Variants in PCDHA5 observed in about 807,000 individuals in gnomAD.
PCDHA5 encodes protocadherin alpha-5.
Under a neutral mutation model 61.6 loss-of-function variants are expected in PCDHA5, and 43 were observed. That is an observed-to-expected ratio of 0.70 (90% CI 0.55 to 0.90). PCDHA5 has a LOEUF of 0.90. Ranked by LOEUF, PCDHA5 falls within the 40% of genes least tolerant of loss-of-function variation. The pLI is 0.00. For missense variants in PCDHA5, 1,298 were observed against 1,222.7 expected (o/e 1.06, Z -0.92); for synonymous variants, 627 against 543.9 (o/e 1.15, Z -2.13).
At chr5:140,920,632 T>G (rs1054888668) in intron 1 of PCDHA5, among the ~76,000 whole-genome samples, 1 of 152,018 alleles carries the variant, frequency 6.6e-6, no homozygotes, top group South Asian at 2.1e-4. Context: ...GATCACAAGG[T>G]CAAGAGATTG....
At chr5:140,956,142 T>C (rs1416783643) in intron 1 of PCDHA5, among the ~76,000 whole-genome samples, 1 of 152,194 alleles carries the variant, frequency 6.6e-6, no homozygotes, top group East Asian at 1.9e-4. Flanking sequence ...CCTTTATTTC[T>C]TTCTCTTTCC....
chr5:140,843,354 C>G, intron 1 of PCDHA5: 1 of 1,596,098 alleles, frequency 6.3e-7, no homozygotes, highest in East Asian at 2.2e-5. Context: ...GCTCCAAAAG[C>G]GTCATCGAGG....
intron 1 of PCDHA5, chr5:140,843,181 C>T (rs1463551741): frequency 1.3e-6 from 2 of 1,595,954 alleles, no homozygotes; most frequent in Non-Finnish European, 1.7e-6. Flanking sequence ...GCCCTCGCAT[C>T]CCGTTCCGCG....
chr5:140,907,812 C>T (rs888159954), intron 1 of PCDHA5, among the ~76,000 whole-genome samples: 17 of 152,192 alleles, frequency 1.1e-4, no homozygotes, highest in Admixed American at 2.6e-4. Flanking sequence ...GTCCACAGAA[C>T]GAGTCATCCT....
Position 140,858,435 on chromosome 5 carries a change from A to T in PCDHA5, c.2352+34308A>T, listed in dbSNP as rs2045411060. The T allele has an allele frequency of 2.5e-5, 38 of 1,543,330 alleles. 4 individuals are homozygous for T. Among genetic ancestry groups the T allele is most frequent in the Non-Finnish European group, 3.1e-5 (35 of 1,135,660 alleles). ...TCTATTGGAGGGGACCACTCTAGGA[A>T]GGTGGGTTATTACGTTTTCATTTTC... On this transcript the variant is annotated intron_variant, in intron 1 of 3. Transcript: ENST00000529859.
At chr5:140,926,974 G>C (rs145276602) in intron 1 of PCDHA5, 2 of 1,610,140 alleles carry the variant, frequency 1.2e-6, no homozygotes, top group East Asian at 2.2e-5. Context: ...CTCAGTGCCG[G>C]AGGAGACGGA....
At chr5:140,911,614 G>C (rs1298073663) in intron 1 of PCDHA5, among the ~76,000 whole-genome samples, 1 of 152,152 alleles carries the variant, frequency 6.6e-6, no homozygotes, top group Non-Finnish European at 1.5e-5. Flanking sequence ...ATGTTCCTTA[G>C]TTCCCCACAT....
intron 1 of PCDHA5, chr5:140,850,536 C>A (rs1342459599): frequency 1.9e-6 from 3 of 1,598,178 alleles, no homozygotes; most frequent in East Asian, 2.2e-5. Context: ...GTCATCGTCG[C>A]GGGCGTCAGT....
rs782641512 is a variant in PCDHA5 at position 140,857,970 on chromosome 5, C to T, written c.2352+33843C>T. The T allele has an allele frequency of 1.9e-5, 30 of 1,596,836 alleles. 3 individuals are homozygous for T. The highest frequency in any genetic ancestry group is 1.1e-4 in the African/African-American group (8 of 74,204). ...ACGCGCGCTCTGGATGAGACTGACT[C>T]GCCACGCCAGCGCCTACTGGTGCTG... On this transcript the variant is annotated intron_variant, in intron 1 of 3. Coordinates refer to ENST00000529859, the MANE Select transcript of PCDHA5 (RefSeq NM_018908.3).
chr5:140,928,843 A>T (rs782153694), intron 1 of PCDHA5: 3 of 1,614,018 alleles, frequency 1.9e-6, no homozygotes, highest in Non-Finnish European at 2.5e-6. Flanking sequence ...CTCCTCTGTC[A>T]CTCTGGGTGT....
chr5:140,998,107 A>G (rs138517610), intron 3 of PCDHA5, among the ~76,000 whole-genome samples: 1 of 152,328 alleles, frequency 6.6e-6, no homozygotes, highest in Non-Finnish European at 1.5e-5. Flanking sequence ...AACAGAGGAG[A>G]AAATTTACTT....
chr5:140,841,238 G>T, intron 1 of PCDHA5: 1 of 1,482,530 alleles, frequency 6.7e-7, no homozygotes, highest in Non-Finnish European at 9.1e-7. Flanking sequence ...GAGATGCAGC[G>T]GAATTGGATT....
chr5:140,821,762 G>C lies in PCDHA5; in HGVS notation c.-14G>C. The C allele has an allele frequency of 6.3e-7, 1 of 1,588,934 alleles. No homozygotes were observed. Among genetic ancestry groups the C allele is most frequent in the Non-Finnish European group, 8.6e-7 (1 of 1,168,006 alleles). On this transcript the variant is annotated 5_prime_UTR_variant, in exon 1 of 4. Transcript: ENST00000529859. ...GTGATGCAATAGAAAGCTCATAATT[G>C]GAACGAGATTGAGATGGTATATTCC...
intron 1 of PCDHA5, among the ~76,000 whole-genome samples, chr5:140,962,940 A>G (rs1441801947): frequency 1.3e-5 from 2 of 152,186 alleles, no homozygotes; most frequent in African/African-American, 4.8e-5. Context: ...CCTCCTCTCC[A>G]TAAGATATGC....
intron 1 of PCDHA5, chr5:140,860,608 A>G (rs1266938252): frequency 6.6e-6 from 1 of 152,266 alleles, no homozygotes; most frequent in African/African-American, 2.4e-5. Flanking sequence ...GCTCACAAAG[A>G]GAAACATAAA....
At chr5:140,829,744 G>A (rs2150173743) in intron 1 of PCDHA5, 30 of 1,613,564 alleles carry the variant, frequency 1.9e-5, no homozygotes, top group Admixed American at 1.8e-4. Flanking sequence ...ACGTGACGCT[G>A]CAGGTGTTCG....
chr5:140,827,954 T>A, intron 1 of PCDHA5: 1 of 1,280,932 alleles, frequency 7.8e-7, no homozygotes, highest in East Asian at 2.3e-5. Flanking sequence ...CATTCAAATT[T>A]CTTCTATTAC....
chr5:140,978,037 A>G (rs1260035731), intron 1 of PCDHA5, among the ~76,000 whole-genome samples: 12 of 152,322 alleles, frequency 7.9e-5, no homozygotes, highest in African/African-American at 2.4e-4. Flanking sequence ...GATACAAGAC[A>G]GTGATGGTGA....
intron 1 of PCDHA5, among the ~76,000 whole-genome samples, chr5:140,956,920 T>C (rs2095320734): frequency 1.3e-5 from 2 of 152,120 alleles, no homozygotes; most frequent in Non-Finnish European, 2.9e-5. Flanking sequence ...ACTTTAATCT[T>C]GCTGGATATA....
Sources: allele counts gnomAD v4.1 joint callset (sites outside exome capture counted in the v4.1 genomes callset), GRCh38; gene constraint gnomAD v4.1.1; transcripts MANE v1.5; gene names NCBI Gene and HGNC (gene_info 2026-07-23, HGNC 2026-07-21).